FERRY3: variants seen among roughly 807,000 people sequenced by gnomAD.
The protein encoded by FERRY3 is FERRY endosomal RAB5 effector complex subunit 3.
the FERRY3 span, chr12:4,534,106 C>G: frequency 1.3e-6 from 2 of 1,505,050 alleles, no homozygotes; most frequent in African/African-American, 2.8e-5. Context: ...TAAAAATTTT[C>G]ACCAAAATCC....
At chr12:4,521,754 T>C in the FERRY3 span, among the ~76,000 whole-genome samples, 1 of 152,186 alleles carries the variant, frequency 6.6e-6, no homozygotes, top group Non-Finnish European at 1.5e-5. Flanking sequence ...TATAGGTTGG[T>C]GGATATATGT....
the FERRY3 span, among the ~76,000 whole-genome samples, chr12:4,516,700 G>C: frequency 6.6e-6 from 1 of 152,086 alleles, no homozygotes; most frequent in Non-Finnish European, 1.5e-5. Context: ...ACACACACTC[G>C]GGCTTGTTAG....
At chr12:4,523,813 G>T in the FERRY3 span, among the ~76,000 whole-genome samples, 1 of 152,166 alleles carries the variant, frequency 6.6e-6, no homozygotes, top group African/African-American at 2.4e-5. Flanking sequence ...CCGTCGTGGG[G>T]TTGGGGGAGG....
chr12:4,525,569 A>G, the FERRY3 span: 1 of 1,610,340 alleles, frequency 6.2e-7, no homozygotes, highest in East Asian at 2.2e-5. Flanking sequence ...GACTTTTTCC[A>G]TTTCAATACC....
chr12:4,525,718 G>GT, the FERRY3 span: 113 of 626,536 alleles, frequency 1.8e-4, no homozygotes, highest in Non-Finnish European at 2.6e-5. Context: ...AATGAGAATT[G>GT]TAACTGGAAA....
chr12:4,534,358 C>T, the FERRY3 span: 16 of 1,493,836 alleles, frequency 1.1e-5, no homozygotes, highest in Admixed American at 1.6e-4. Flanking sequence ...AAATAGGGAA[C>T]ATTTTACTTG....
At chr12:4,523,855 T>C in the FERRY3 span, among the ~76,000 whole-genome samples, 1 of 152,130 alleles carries the variant, frequency 6.6e-6, no homozygotes, top group Non-Finnish European at 1.5e-5. Flanking sequence ...ATACACCTAA[T>C]GTAAATGACA....
At chr12:4,534,077 C>G in the FERRY3 span, 2 of 1,408,098 alleles carry the variant, frequency 1.4e-6, no homozygotes, top group Non-Finnish European at 1.9e-6. Context: ...ATAACGATTT[C>G]AGGATTACCA....
the FERRY3 span, among the ~76,000 whole-genome samples, chr12:4,504,825 G>A: frequency 9.9e-5 from 15 of 152,174 alleles, no homozygotes; most frequent in Middle Eastern, 3.4e-3. Context: ...TTTTTAGGCC[G>A]GGCATGGTGG....
At chr12:4,505,455 A>T in the FERRY3 span, 1 of 1,034,920 alleles carries the variant, frequency 9.7e-7, no homozygotes, top group Non-Finnish European at 1.5e-6. Context: ...CTCCCAAAAG[A>T]ATCACAACAA....
chr12:4,506,933 TATAACAAC>T, the FERRY3 span, among the ~76,000 whole-genome samples: 3 of 152,182 alleles, frequency 2.0e-5, no homozygotes, highest in Admixed American at 2.0e-4. Flanking sequence ...AAAGTCCTTC[TATAACAAC>T]ATGCAGCTTT....
chr12:4,496,634 T>C, the FERRY3 span, among the ~76,000 whole-genome samples: 3 of 152,222 alleles, frequency 2.0e-5, no homozygotes, highest in Non-Finnish European at 2.9e-5. Flanking sequence ...CAGTTCTGAC[T>C]ATAACTGAGA....
At chr12:4,505,619 C>T in the FERRY3 span, among the ~76,000 whole-genome samples, 1 of 152,166 alleles carries the variant, frequency 6.6e-6, no homozygotes, top group Non-Finnish European at 1.5e-5. Context: ...GAGACAGAGG[C>T]TTGGATGGGT....
At chr12:4,489,772 A>G in the FERRY3 span, 2 of 1,457,442 alleles carry the variant, frequency 1.4e-6, no homozygotes, top group Non-Finnish European at 1.9e-6. Context: ...AGAGTTTAAC[A>G]ATCATCTTCT....
chr12:4,536,165 A>G, the FERRY3 span: 6 of 1,594,892 alleles, frequency 3.8e-6, no homozygotes, highest in Non-Finnish European at 4.3e-6. Context: ...CTCTCTCTCT[A>G]TTGCAGAATC....
chr12:4,515,960 A>T, the FERRY3 span, among the ~76,000 whole-genome samples: 1 of 152,210 alleles, frequency 6.6e-6, no homozygotes, highest in Non-Finnish European at 1.5e-5. Flanking sequence ...TCAATAAATT[A>T]AAAAATTTTT....
At chr12:4,516,700 G>A in the FERRY3 span, among the ~76,000 whole-genome samples, 3 of 152,086 alleles carry the variant, frequency 2.0e-5, no homozygotes, top group Non-Finnish European at 4.4e-5. Flanking sequence ...ACACACACTC[G>A]GGCTTGTTAG....
At chr12:4,534,402 A>G in the FERRY3 span, 1 of 1,328,756 alleles carries the variant, frequency 7.5e-7, no homozygotes, top group Non-Finnish European at 1.0e-6. Flanking sequence ...TTATTGTTAA[A>G]TTTTTATTTT....
chr12:4,523,982 T>C, the FERRY3 span, among the ~76,000 whole-genome samples: 6 of 151,888 alleles, frequency 4.0e-5, no homozygotes, highest in African/African-American at 1.2e-4. Flanking sequence ...AAAAAAGAAA[T>C]TGATTCTAAA....
Sources: gnomAD v4.1 joint callset for allele counts (sites outside exome capture counted in the v4.1 genomes callset) on GRCh38, gnomAD v4.1.1 for gene constraint, MANE v1.5 for transcripts, NCBI Gene and HGNC (gene_info 2026-07-23, HGNC 2026-07-21) for gene names.